PRKAG2: variants seen among roughly 807,000 people sequenced by gnomAD.
PRKAG2 encodes the protein protein kinase AMP-activated non-catalytic subunit gamma 2.
Under a neutral mutation model 69.6 loss-of-function variants are expected in PRKAG2, and 26 were observed. The observed-to-expected ratio is 0.37, with a 90% CI of 0.27 to 0.52. PRKAG2 has a LOEUF of 0.52. Among genes scored for constraint, PRKAG2 ranks in the 20% least tolerant of loss-of-function variants. The probability of loss-of-function intolerance (pLI) is 0.90; values close to 1 mark genes in which losing one functional copy is unlikely to be tolerated. For synonymous variants in PRKAG2, 293 were observed against 285.0 expected (o/e 1.03, Z -0.28); for missense variants, 557 against 740.0 (o/e 0.75, Z 2.87).
At chr7:151,830,787 C>CG (rs58030412) in intron 1 of PRKAG2, among the ~76,000 whole-genome samples, 43,488 of 111,590 alleles carry the variant, frequency 0.39, 8,522 homozygotes, top group East Asian at 0.6. Context: ...GGGGGCGGGG[C>CG]GGGGGGGGGT....
chr7:151,818,953 C>T (rs1477145171), intron 1 of PRKAG2, among the ~76,000 whole-genome samples: 1 of 152,222 alleles, frequency 6.6e-6, no homozygotes, highest in African/African-American at 2.4e-5. Context: ...CTGAAATATC[C>T]CAATTGGGAA....
intron 1 of PRKAG2, among the ~76,000 whole-genome samples, chr7:151,797,328 C>CAATTT (rs1207217736): frequency 1.1e-4 from 16 of 148,038 alleles, no homozygotes; most frequent in Non-Finnish European, 3.0e-5. Flanking sequence ...ACACCATGAA[C>CAATTT]TACAATAAAA....
At chr7:151,579,173 T>C (rs1293554915) in intron 6 of PRKAG2, among the ~76,000 whole-genome samples, 1 of 152,144 alleles carries the variant, frequency 6.6e-6, no homozygotes, top group Non-Finnish European at 1.5e-5. Flanking sequence ...CACAGGCACA[T>C]GCCACCATGT....
rs746848234 is a variant in PRKAG2 at position 151,699,407 on chromosome 7, G to A, written c.467-23770C>T. 1.3e-5 allele frequency among the ~76,000 whole-genome samples: 2 copies of A among 152,208 alleles called. No individual in the cohort carries two copies. Among genetic ancestry groups the A allele is most frequent in the Non-Finnish European group, 2.9e-5 (2 of 68,038 alleles). On this transcript the variant is annotated intron_variant, in intron 3 of 15. Transcript: ENST00000287878. This position sits in a 1 kb window ranked among gnomAD's most constrained non-coding sequence, Gnocchi z 4.5. ...CTCAGCCCCCTGCTGAGAAAGAGGC[G>A]CTAAGGTGGCCCTGGAGCCGTGAAT...
chr7:151,834,900 C>A (rs1444441370), intron 1 of PRKAG2, among the ~76,000 whole-genome samples: 1 of 152,228 alleles, frequency 6.6e-6, no homozygotes, highest in African/African-American at 2.4e-5. Context: ...CTGTCCAGGC[C>A]TTTCTGCCAG....
intron 1 of PRKAG2, among the ~76,000 whole-genome samples, chr7:151,867,419 C>T (rs73160063): frequency 0.059 from 9,038 of 152,244 alleles, 342 homozygotes; most frequent in East Asian, 0.099. Flanking sequence ...CACCCTTCAG[C>T]GGCCCATATT....
At chr7:151,769,869 C>G (rs113666297) in intron 3 of PRKAG2, among the ~76,000 whole-genome samples, 1 of 152,170 alleles carries the variant, frequency 6.6e-6, no homozygotes, top group Non-Finnish European at 1.5e-5. Context: ...CCCCAGAGTG[C>G]GTGTGTCCAC....
At chr7:151,741,143 G>A (rs1200108697) in intron 3 of PRKAG2, among the ~76,000 whole-genome samples, 1 of 151,332 alleles carries the variant, frequency 6.6e-6, no homozygotes, top group African/African-American at 2.4e-5. Flanking sequence ...AGCCCGGGAG[G>A]TCCAGGCTCT....
chr7:151,768,611 C>G (rs374232195), intron 3 of PRKAG2, among the ~76,000 whole-genome samples: 2 of 152,178 alleles, frequency 1.3e-5, no homozygotes, highest in Non-Finnish European at 2.9e-5. Flanking sequence ...GGATTACAGG[C>G]ACATGCCATC....
chr7:151,791,779 A>C (rs1051007320), intron 1 of PRKAG2, among the ~76,000 whole-genome samples: 1 of 152,230 alleles, frequency 6.6e-6, no homozygotes, highest in Admixed American at 6.5e-5. Flanking sequence ...TCCAGGCAAA[A>C]GCCAAAAGTC....
chr7:151,875,813 T>C (rs1217863038), intron 1 of PRKAG2, among the ~76,000 whole-genome samples: 1 of 151,938 alleles, frequency 6.6e-6, no homozygotes, highest in East Asian at 2.0e-4. Context: ...GAGTCGCCAA[T>C]GTCCTCCCGG....
chr7:151,726,510 G>C (rs1798000341), intron 3 of PRKAG2, among the ~76,000 whole-genome samples: 3 of 152,106 alleles, frequency 2.0e-5, no homozygotes, highest in Admixed American at 2.0e-4. Context: ...ACGCACAAGA[G>C]TGCCCATGAG....
Position 151,771,014 on chromosome 7 carries a change from A to G in PRKAG2, c.466+10138T>C, listed in dbSNP as rs2075997022. Among the ~76,000 whole-genome samples the G allele has an allele frequency of 6.6e-6, 1 of 152,204 alleles. No homozygotes were observed. The highest frequency in any genetic ancestry group is 1.5e-5 in the Non-Finnish European group (1 of 68,024). On this transcript the variant is annotated intron_variant, in intron 3 of 15. Transcript: ENST00000287878. The surrounding 1 kb of genome is among the most constrained non-coding windows in gnomAD (Gnocchi z 4.0). ...GGGCTTATGACCTCACACATTTACC[A>G]TTGCAGAAATTATGCCAAAGCATGA...
chr7:151,874,267 T>C (rs2080314144), intron 1 of PRKAG2, among the ~76,000 whole-genome samples: 1 of 109,000 alleles, frequency 9.2e-6, no homozygotes, highest in Non-Finnish European at 1.8e-5. Flanking sequence ...TGTATATGTA[T>C]ATGTATATGA....
At chr7:151,858,699 G>A (rs963510273) in intron 1 of PRKAG2, among the ~76,000 whole-genome samples, 6 of 152,212 alleles carry the variant, frequency 3.9e-5, no homozygotes, top group Non-Finnish European at 7.3e-5. Flanking sequence ...CACTTCGGCC[G>A]TTTCTCGGCT....
chr7:151,829,747 G>A (rs992381555), intron 1 of PRKAG2, among the ~76,000 whole-genome samples: 1 of 151,900 alleles, frequency 6.6e-6, no homozygotes, highest in Non-Finnish European at 1.5e-5. Flanking sequence ...AAAACATTTC[G>A]TTACGTGAAA....
intron 1 of PRKAG2, chr7:151,809,580 A>C: frequency 4.7e-6 from 1 of 212,366 alleles, no homozygotes. Flanking sequence ...AGCTCACTTG[A>C]CTCACATGGC....
At chr7:151,854,968 C>A (rs116944658) in intron 1 of PRKAG2, among the ~76,000 whole-genome samples, 8,394 of 29,220 alleles carry the variant, frequency 0.29, 537 homozygotes, top group East Asian at 0.39. Context: ...ACATACCACC[C>A]TCCACACACA....
Position 151,567,529 on chromosome 7 carries a change from ATGCTC to A in PRKAG2, c.1233+1182_1233+1186del, listed in dbSNP as rs767711721. ...GCCCTGAATACATCCTTCCCACCCC[ATGCTC>A]CCTCTGTTCCTATTAAACTTCAACT... On this transcript the variant is annotated intron_variant, in intron 11 of 15. Coordinates refer to ENST00000287878, the MANE Select transcript of PRKAG2 (RefSeq NM_016203.4). This position sits in a 1 kb window ranked among gnomAD's most constrained non-coding sequence, Gnocchi z 4.2. Among the ~76,000 whole-genome samples, 3 of 152,092 alleles carry A rather than the reference ATGCTC, an allele frequency of 2.0e-5. No homozygotes were observed. The highest frequency in any genetic ancestry group is 2.1e-4 in the South Asian group (1 of 4,814).
Sources: gnomAD v4.1 joint callset for allele counts (sites outside exome capture counted in the v4.1 genomes callset) on GRCh38, gnomAD v4.1.1 for gene constraint, Gnocchi (gnomAD v3.1) non-coding constraint, MANE v1.5 for transcripts, NCBI Gene and HGNC (gene_info 2026-07-23, HGNC 2026-07-21) for gene names.